The following PRKAR1A variants were observed in gnomAD, a reference collection of about 807,000 sequenced individuals.
PRKAR1A encodes the protein cAMP-dependent protein kinase type I-alpha regulatory subunit.
PRKAR1A carries 3 observed loss-of-function variants against 52.0 expected under a neutral mutation model. The ratio of observed to expected loss-of-function variants is 0.06; its 90% CI spans 0.03 to 0.15. PRKAR1A has a LOEUF of 0.15. Ranked by LOEUF, PRKAR1A falls within the 10% of genes least tolerant of loss-of-function variation. PRKAR1A has a pLI of 1.00. For synonymous variants in PRKAR1A, 188 were observed against 168.4 expected, an observed-to-expected ratio of 1.12 and a Z score of -0.90; for missense variants, 240 against 477.4, an observed-to-expected ratio of 0.50 and a Z score of 4.63.
the PRKAR1A span, among the ~76,000 whole-genome samples, chr17:68,505,876 T>C: frequency 6.6e-6 from 1 of 152,184 alleles, no homozygotes; most frequent in Non-Finnish European, 1.5e-5. Context: ...ACCACACGAA[T>C]GCAAGATGTC....
chr17:68,444,611 A>G, the PRKAR1A span: 1 of 1,601,496 alleles, frequency 6.2e-7, no homozygotes, highest in Non-Finnish European at 8.5e-7. Context: ...CAGACTTATC[A>G]GTCTACCGAA....
At chr17:68,468,169 A>G in the PRKAR1A span, among the ~76,000 whole-genome samples, 1 of 152,210 alleles carries the variant, frequency 6.6e-6, no homozygotes, top group Non-Finnish European at 1.5e-5. Context: ...TGCAGATGAT[A>G]CAGAAAAATA....
chr17:68,500,979 T>C, the PRKAR1A span, among the ~76,000 whole-genome samples: 3 of 152,248 alleles, frequency 2.0e-5, no homozygotes, highest in African/African-American at 2.4e-5. Context: ...CCTGTGCCTT[T>C]TGATACAAGT....
intron 2 of PRKAR1A, chr17:68,515,905 A>C (rs1176641891): frequency 3.8e-6 from 1 of 263,334 alleles, no homozygotes; most frequent in Non-Finnish European, 7.4e-6. Context: ...TATGAATAAG[A>C]AATTCTATAG....
chr17:68,470,795 G>C, the PRKAR1A span, among the ~76,000 whole-genome samples: 1 of 152,118 alleles, frequency 6.6e-6, no homozygotes, highest in African/African-American at 2.4e-5. Flanking sequence ...ACATTTCCAG[G>C]CAGGAATTAT....
At chr17:68,550,068 C>T (rs750610755) in intron 11 of PRKAR1A, among the ~76,000 whole-genome samples, 7 of 151,998 alleles carry the variant, frequency 4.6e-5, no homozygotes, top group African/African-American at 1.4e-4. Flanking sequence ...CCGGTTACAA[C>T]GGGTTGATGG....
intron 11 of PRKAR1A, chr17:68,542,905 G>T (rs757671191): frequency 4.2e-6 from 4 of 952,608 alleles, no homozygotes; most frequent in South Asian, 1.3e-5. Flanking sequence ...GAATTGGCTG[G>T]TGTACCCAGG....
the PRKAR1A span, among the ~76,000 whole-genome samples, chr17:68,456,283 G>A: frequency 1.3e-5 from 2 of 152,196 alleles, no homozygotes; most frequent in African/African-American, 4.8e-5. Flanking sequence ...AAACATAAAG[G>A]GAATGGAAGC....
chr17:68,522,486 C>T (rs1420046645), intron 2 of PRKAR1A, among the ~76,000 whole-genome samples: 3 of 152,180 alleles, frequency 2.0e-5, no homozygotes, highest in Non-Finnish European at 4.4e-5. Flanking sequence ...ATTTGTTACT[C>T]ACATGTTATG....
chr17:68,542,918 G>A (rs1186996860), intron 11 of PRKAR1A: 1 of 841,916 alleles, frequency 1.2e-6, no homozygotes, highest in Non-Finnish European at 2.0e-6. Flanking sequence ...TACCCAGGAG[G>A]GTGGCCGGTG....
the PRKAR1A span, among the ~76,000 whole-genome samples, chr17:68,461,948 A>T: frequency 6.6e-6 from 1 of 152,162 alleles, no homozygotes; most frequent in African/African-American, 2.4e-5. The surrounding 1 kb of genome is among the most constrained non-coding windows in gnomAD (Gnocchi z 4.6). Flanking sequence ...TCTGTTTCTA[A>T]TTATAGACAG....
intron 3 of PRKAR1A, among the ~76,000 whole-genome samples, chr17:68,523,302 A>G (rs2085677497): frequency 6.6e-6 from 1 of 152,178 alleles, no homozygotes; most frequent in African/African-American, 2.4e-5. Context: ...CCTCTTCCTC[A>G]GAGCCAGGCT....
At chr17:68,467,197 A>T in the PRKAR1A span, among the ~76,000 whole-genome samples, 25 of 152,140 alleles carry the variant, frequency 1.6e-4, no homozygotes, top group Non-Finnish European at 2.9e-4. Context: ...TCTTTTGGCT[A>T]TTGTGAATAT....
At chr17:68,537,671 G>A (rs139620139), downstream of PRKAR1A, 29 of 1,613,644 alleles carry the variant, frequency 1.8e-5, no homozygotes, top group Admixed American at 8.3e-5. The surrounding 1 kb of genome is among the most constrained non-coding windows in gnomAD (Gnocchi z 4.2). Flanking sequence ...AGTGATTCTC[G>A]CATCACATCG....
At chr17:68,522,597 T>A (rs1483796646) in intron 2 of PRKAR1A, among the ~76,000 whole-genome samples, 159 bp from the exon 3 acceptor site, 3 of 151,952 alleles carry the variant, frequency 2.0e-5, no homozygotes, top group Non-Finnish European at 4.4e-5. Flanking sequence ...CAAGTGTTAC[T>A]CTCTTTTTTT....
the PRKAR1A span, among the ~76,000 whole-genome samples, chr17:68,489,343 A>ATATATATATGGAAAG: frequency 1.6e-4 from 14 of 87,622 alleles, 5 homozygotes; most frequent in African/African-American, 8.9e-4. Flanking sequence ...TGGAAAGTAT[A>ATATATATATGGAAAG]TATATATATA....
At chr17:68,515,749 T>G (rs1425318740) in intron 2 of PRKAR1A, 173 bp downstream of exon 2, 1 of 817,714 alleles carries the variant, frequency 1.2e-6, no homozygotes, top group Admixed American at 2.8e-5. Flanking sequence ...TTAAAAATTC[T>G]TAATTAGTAG....
chr17:68,454,623 A>G, the PRKAR1A span, among the ~76,000 whole-genome samples: 2 of 152,250 alleles, frequency 1.3e-5, no homozygotes, highest in Non-Finnish European at 2.9e-5. Flanking sequence ...ACAAACAGCA[A>G]CTGGAAAAGT....
chr17:68,420,802 G>A, the PRKAR1A span: 1 of 288,652 alleles, frequency 3.5e-6, no homozygotes, highest in African/African-American at 2.2e-5. Flanking sequence ...ACATGAAAAT[G>A]CCTGGCAAAT....
Sources: gnomAD v4.1 joint callset for allele counts (sites outside exome capture counted in the v4.1 genomes callset) on GRCh38, gnomAD v4.1.1 for gene constraint, Gnocchi (gnomAD v3.1) non-coding constraint, MANE v1.5 for transcripts, NCBI Gene and HGNC (gene_info 2026-07-23, HGNC 2026-07-21) for gene names.